The following CCDC141 variants were observed in gnomAD, a reference collection of about 807,000 sequenced individuals.
CCDC141 encodes the protein coiled-coil domain containing 141, also known as coiled-coil domain-containing protein 141.
In CCDC141, 168 loss-of-function variants were observed where a neutral mutation model predicts 181.0. The observed-to-expected ratio is 0.93, with a 90% CI of 0.82 to 1.05. The LOEUF (loss-of-function observed/expected upper bound fraction) is 1.05, where lower values mean the gene tolerates loss of function less well. Ranked by LOEUF, CCDC141 falls within the 50% of genes least tolerant of loss-of-function variation. The pLI is 0.00. For synonymous variants in CCDC141, 666 were observed against 642.3 expected, an observed-to-expected ratio of 1.04 and a Z score of -0.56; for missense variants, 1,902 against 1,788.5, an observed-to-expected ratio of 1.06 and a Z score of -1.14.
At chr2:178,940,579 G>A (rs968369232) in intron 6 of CCDC141, among the ~76,000 whole-genome samples, 1 of 152,048 alleles carries the variant, frequency 6.6e-6, no homozygotes. Flanking sequence ...TCTACTCTGA[G>A]GGCTAAAAAA....
intron 2 of CCDC141, among the ~76,000 whole-genome samples, chr2:179,024,040 G>A (rs1211037589): frequency 1.3e-5 from 2 of 152,292 alleles, no homozygotes; most frequent in East Asian, 3.9e-4. Flanking sequence ...CTTAGGTGAG[G>A]GCAAAGCTCA....
At position 178,918,694 on chromosome 2, in the gene CCDC141, A is replaced by C. The variant is rs1209282627; in HGVS notation, c.1092+19T>G. The C allele has an allele frequency of 5.8e-6, 9 of 1,543,436 alleles. No individual in the cohort carries two copies. The Admixed American group carries it at 1.6e-4, about 27-fold the overall frequency. On this transcript the variant is annotated intron_variant, in intron 7 of 23. Transcript: ENST00000443758. ...GTCTGCCTGATTACCGAAAATTATC[A>C]ACTTGACCTCACACTGACCTTGTTA...
downstream of CCDC141, among the ~76,000 whole-genome samples, chr2:178,827,763 A>G (rs1249990599): frequency 6.6e-6 from 1 of 152,158 alleles, no homozygotes; most frequent in Non-Finnish European, 1.5e-5. Context: ...CTTCTAAAAC[A>G]TGGTCATTGT....
chr2:178,815,210 A>C, the CCDC141 span, among the ~76,000 whole-genome samples: 2 of 152,222 alleles, frequency 1.3e-5, no homozygotes, highest in African/African-American at 4.8e-5. Context: ...TCTTAAGGAC[A>C]TGAACAACTT....
In CCDC141 at chr2:178,878,014, T is replaced by C. The variant is rs1483089808; in HGVS notation, c.1849A>G (p.Ser617Gly). ...AGCCCTAGATCTTGTGTTATAAAAC[T>C]CTTCTTTAAAAATAGCTGCCACTGC... ...EKQWQLFLKK[S>G]FITQDLGLEF... is the part of the protein sequence containing the mutation. The change falls in exon 12 of 24, where the codon AGT becomes GGT. Residue 617 changes from serine to glycine, a missense_variant. Physicochemically the swap from Ser to Gly is moderately conservative, Grantham distance 56 (BLOSUM62 0). Transcript: ENST00000443758. 2 of 1,613,906 alleles carry C rather than the reference T, an allele frequency of 1.2e-6. No individual in the cohort carries two copies. Among genetic ancestry groups the C allele is most frequent in the Non-Finnish European group, 1.7e-6 (2 of 1,179,880 alleles).
the CCDC141 span, among the ~76,000 whole-genome samples, chr2:178,815,436 CT>C: frequency 6.6e-6 from 1 of 152,108 alleles, no homozygotes; most frequent in African/African-American, 2.4e-5. Context: ...AATGAGGAAG[CT>C]TTAGCAACAG....
At chr2:179,046,421 G>C (rs2154390645) in intron 2 of CCDC141, among the ~76,000 whole-genome samples, 1 of 152,352 alleles carries the variant, frequency 6.6e-6, no homozygotes, top group South Asian at 2.1e-4. Flanking sequence ...CTGGATATAA[G>C]TCGGCTGTCC....
chr2:178,837,164 T>C lies in CCDC141; in HGVS notation c.4055A>G (p.Asp1352Gly). ...LLETREKMHA[D>G]NNFTKTQDRL... ...ATCTTGGGTTTTAGTGAAGTTATTA[T>C]CAGCATGCATTTTCTCCCGTGTTTC... The change falls in exon 23 of 24, where the codon GAT (aspartate) becomes GGT (glycine). Residue 1352 changes from aspartate to glycine, a missense_variant. Coordinates refer to ENST00000443758, the MANE Select transcript of CCDC141 (RefSeq NM_173648.4). 1 of 1,613,952 alleles carries C rather than the reference T, an allele frequency of 6.2e-7. No individual in the cohort carries two copies. The highest frequency in any genetic ancestry group is 8.5e-7 in the Non-Finnish European group (1 of 1,179,938).
intron 2 of CCDC141, among the ~76,000 whole-genome samples, chr2:179,009,003 C>A (rs2042189189): frequency 6.6e-6 from 1 of 152,132 alleles, no homozygotes. Flanking sequence ...TCTCATGACC[C>A]TTTTCCCAAT....
intron 11 of CCDC141, among the ~76,000 whole-genome samples, chr2:178,883,234 T>C (rs187237597): frequency 9.7e-4 from 147 of 152,240 alleles, no homozygotes; most frequent in Admixed American, 1.8e-3. Flanking sequence ...GATAATTCTG[T>C]CAGTTGGGAA....
chr2:178,928,461 T>C (rs1476313310), intron 6 of CCDC141, among the ~76,000 whole-genome samples: 1 of 152,200 alleles, frequency 6.6e-6, no homozygotes, highest in Non-Finnish European at 1.5e-5. Context: ...AATTTCACTC[T>C]TATTATCATG....
chr2:178,948,510 G>C (rs1260250188), intron 5 of CCDC141, among the ~76,000 whole-genome samples: 1 of 152,026 alleles, frequency 6.6e-6, no homozygotes, highest in Admixed American at 6.6e-5. Flanking sequence ...GATATCAGTT[G>C]GTAGCATTTA....
At chr2:178,983,041 A>C (rs1042591376) in intron 2 of CCDC141, among the ~76,000 whole-genome samples, 3 of 152,160 alleles carry the variant, frequency 2.0e-5, no homozygotes, top group Non-Finnish European at 2.9e-5. Context: ...GACAGCAGTA[A>C]CCTCTGCAGA....
At chr2:178,989,837 A>AG (rs1180438232) in intron 2 of CCDC141, among the ~76,000 whole-genome samples, 1 of 145,324 alleles carries the variant, frequency 6.9e-6, no homozygotes, top group Non-Finnish European at 1.5e-5. Flanking sequence ...CTTAAAAAAA[A>AG]AAAAAAAAAA....
chr2:178,948,260 G>C (rs1481870410), intron 5 of CCDC141, among the ~76,000 whole-genome samples: 1 of 151,398 alleles, frequency 6.6e-6, no homozygotes, highest in Non-Finnish European at 1.5e-5. Context: ...AGATATGTCG[G>C]GTTAATTTAA....
intron 2 of CCDC141, among the ~76,000 whole-genome samples, chr2:179,036,380 C>T (rs1440289536): frequency 6.6e-6 from 1 of 152,186 alleles, no homozygotes; most frequent in Non-Finnish European, 1.5e-5. Context: ...TTAATGGACA[C>T]CGTAGACTCT....
At chr2:178,959,595 T>C (rs1205343908) in intron 5 of CCDC141, among the ~76,000 whole-genome samples, 1 of 152,202 alleles carries the variant, frequency 6.6e-6, no homozygotes, top group African/African-American at 2.4e-5. Context: ...ACGATAATGC[T>C]TTGGGGAATG....
intron 6 of CCDC141, among the ~76,000 whole-genome samples, chr2:178,930,419 A>T (rs1040422077): frequency 2.0e-5 from 3 of 152,130 alleles, no homozygotes; most frequent in African/African-American, 7.2e-5. Flanking sequence ...CCCTATCAGA[A>T]TCTCACTGGC....
chr2:178,861,071 G>A (rs895675924), intron 17 of CCDC141, among the ~76,000 whole-genome samples: 3 of 152,006 alleles, frequency 2.0e-5, no homozygotes, highest in Non-Finnish European at 4.4e-5. Flanking sequence ...CCATCCAGAT[G>A]GACCCAGGAT....
Sources: gnomAD v4.1 joint callset for allele counts (sites outside exome capture counted in the v4.1 genomes callset) on GRCh38, gnomAD v4.1.1 for gene constraint, MANE v1.5 for transcripts, NCBI Gene and HGNC (gene_info 2026-07-23, HGNC 2026-07-21) for gene names.